The following ST18 variants were observed in gnomAD, a reference collection of about 807,000 sequenced individuals.
The protein encoded by ST18 is suppression of tumorigenicity 18 protein.
Under a neutral mutation model 110.0 loss-of-function variants are expected in ST18, and 50 were observed. The ratio of observed to expected loss-of-function variants is 0.45; its 90% confidence interval spans 0.36 to 0.58. The LOEUF is 0.58. Among genes scored for constraint, ST18 ranks in the 20% least tolerant of loss-of-function variants. ST18 has a pLI of 0.00. For missense variants in ST18, 1,306 were observed against 1,280.1 expected (o/e 1.02, Z -0.31); for synonymous variants, 461 against 452.4 (o/e 1.02, Z -0.24).
At chr8:52,357,471 G>C (rs765688582) in intron 2 of ST18, among the ~76,000 whole-genome samples, 2 of 151,186 alleles carry the variant, frequency 1.3e-5, no homozygotes, top group Non-Finnish European at 3.0e-5. Context: ...CAGATTGAAA[G>C]TGAAAGAATG....
rs75905270 is a variant in ST18 at position 52,303,935 on chromosome 8, A to G, written c.-464-73858T>C. Reference sequence around the variant, plus strand: ...GGAAATCCAAGGAGTTAATTTCCTGATTTTCATGGTAATTTACTATATTGT... The same window carrying G: ...GGAAATCCAAGGAGTTAATTTCCTGGTTTTCATGGTAATTTACTATATTGT... On this transcript the variant is annotated intron_variant, in intron 2 of 25. Transcript: ENST00000689386. Among the ~76,000 whole-genome samples, 16 of 152,222 alleles carry G rather than the reference A, an allele frequency of 1.1e-4. No individual in the cohort carries two copies. The East Asian group carries it at 2.1e-3, about 20-fold the overall frequency.
At chr8:52,219,984 T>C (rs1466380351) in intron 5 of ST18, among the ~76,000 whole-genome samples, 1 of 152,236 alleles carries the variant, frequency 6.6e-6, no homozygotes, top group East Asian at 1.9e-4. Context: ...AGTCCTATTA[T>C]TCCCTTAGGT....
chr8:52,250,193 A>G (rs1316465019), intron 2 of ST18, among the ~76,000 whole-genome samples: 1 of 152,042 alleles, frequency 6.6e-6, no homozygotes, highest in Non-Finnish European at 1.5e-5. Flanking sequence ...CAGCTTGGCT[A>G]AAGAGTGTGG....
intron 2 of ST18, among the ~76,000 whole-genome samples, chr8:52,303,548 C>T (rs2095763673): frequency 6.6e-6 from 1 of 152,202 alleles, no homozygotes; most frequent in African/African-American, 2.4e-5. Context: ...CGGCAACACA[C>T]CTTAATCAAG....
intron 2 of ST18, among the ~76,000 whole-genome samples, chr8:52,291,089 G>T (rs1056928459): frequency 6.6e-6 from 1 of 152,172 alleles, no homozygotes; most frequent in Non-Finnish European, 1.5e-5. Flanking sequence ...ATCCATCACT[G>T]CCTGATACTT....
At chr8:52,275,610 C>T (rs1335619397) in intron 2 of ST18, among the ~76,000 whole-genome samples, 2 of 152,058 alleles carry the variant, frequency 1.3e-5, no homozygotes, top group Admixed American at 6.6e-5. Context: ...AGAAAATAAG[C>T]TATGGTTTTT....
Position 52,118,444 on chromosome 8 carries a change from G to T in ST18, c.2756-3C>A. On this transcript the variant is annotated splice_polypyrimidine_tract_variant and splice_region_variant and intron_variant, in intron 23 of 25. Transcript: ENST00000689386. ...AATTTCTTCATCACTCTCTATTCCT[G>T]TAAAGAGTAAGACTACCTTAGTTCA... 6.4e-7 allele frequency: 1 copy of T among 1,561,844 alleles called. No homozygotes were observed.
chr8:52,330,868 A>T (rs1301500352), intron 2 of ST18, among the ~76,000 whole-genome samples: 7 of 152,332 alleles, frequency 4.6e-5, no homozygotes, highest in African/African-American at 9.6e-5. Context: ...CAGACAAAAA[A>T]GGCAAAGAAG....
rs201421386 is a variant in ST18, at chr8:52,159,152, T to C, written c.1595-43A>G. On this transcript the variant is annotated intron_variant, in intron 14 of 25. Transcript: ENST00000689386. ...GATTAGCAATTGCATGTACATGGTT[T>C]TAGTCATTAAACAGATTTGTTTTTT... 9.6e-5 allele frequency: 150 copies of C among 1,570,440 alleles called. No individual in the cohort carries two copies. In the African/African-American group the frequency reaches 1.7e-3, roughly 18 times the overall value.
intron 16 of ST18, among the ~76,000 whole-genome samples, chr8:52,147,548 G>C (rs1303385172): frequency 2.0e-5 from 3 of 152,046 alleles, no homozygotes; most frequent in African/African-American, 7.2e-5. Context: ...GCTTATGCCT[G>C]ACAATTTCTG....
In ST18 at chr8:52,116,474, G is replaced by T. The variant is rs536467531; in HGVS notation, c.2860-56C>A. The T allele has an allele frequency of 5.2e-6, 8 of 1,550,008 alleles. No homozygotes were observed. In the South Asian group the frequency reaches 6.1e-5, roughly 12 times the overall value. On this transcript the variant is annotated intron_variant, in intron 24 of 25. Transcript: ENST00000689386. Reference sequence around the variant, plus strand: ...AGTGGAGTTTGGAAGGAGTGTAAAAGGTTTCTCCCTGAAGGAAAATGCACC... The same window carrying T: ...AGTGGAGTTTGGAAGGAGTGTAAAATGTTTCTCCCTGAAGGAAAATGCACC...
chr8:52,160,988 T>C (rs1000109306), intron 14 of ST18, among the ~76,000 whole-genome samples: 4 of 152,220 alleles, frequency 2.6e-5, no homozygotes, highest in African/African-American at 9.6e-5. Flanking sequence ...ATTTTACCTA[T>C]TAGATTTCCA....
chr8:52,282,528 G>T (rs10958312), intron 2 of ST18, among the ~76,000 whole-genome samples: 70,472 of 151,920 alleles, frequency 0.46, 19,899 homozygotes, highest in South Asian at 0.67. Context: ...CCCCACCAGG[G>T]GTGAGGAAGC....
intron 8 of ST18, among the ~76,000 whole-genome samples, chr8:52,190,978 T>A (rs1204033078): frequency 6.6e-6 from 1 of 152,174 alleles, no homozygotes; most frequent in Non-Finnish European, 1.5e-5. Context: ...CATCTCACAC[T>A]TCCCACCACT....
chr8:52,270,007 TC>T (rs958675327), intron 2 of ST18, among the ~76,000 whole-genome samples: 5 of 150,046 alleles, frequency 3.3e-5, no homozygotes, highest in African/African-American at 1.3e-4. Context: ...CCACATTTTT[TC>T]CCCCGTAACT....
At position 52,207,747 on chromosome 8, in the gene ST18, G is replaced by A. The variant is rs117458044; in HGVS notation, c.86+4332C>T. 3.4e-3 allele frequency among the ~76,000 whole-genome samples: 514 copies of A among 152,022 alleles called. 5 individuals are homozygous for A. The highest frequency in any genetic ancestry group is 0.011 in the Admixed American group (169 of 15,292). On this transcript the variant is annotated intron_variant, in intron 8 of 25. Coordinates refer to ENST00000689386, the MANE Select transcript of ST18 (RefSeq NM_001352837.2). The stretch of plus-strand genomic sequence containing the variant: ...TGACTCTAATATACTTAAGAGGCCT[G>A]AATTCATTTGTCTCTCTAAGTAGTC...
chr8:52,304,969 G>A (rs1471046900), intron 2 of ST18, among the ~76,000 whole-genome samples: 4 of 152,128 alleles, frequency 2.6e-5, no homozygotes, highest in Non-Finnish European at 5.9e-5. Flanking sequence ...TCTATAGCAT[G>A]CTTTAATTCT....
chr8:52,301,698 T>C (rs2095724691), intron 2 of ST18, among the ~76,000 whole-genome samples: 1 of 152,222 alleles, frequency 6.6e-6, no homozygotes, highest in Non-Finnish European at 1.5e-5. Context: ...TGTAATTCTA[T>C]GAAATACTAG....
chr8:52,161,586 G>A lies in ST18; in HGVS notation c.1401-18C>T. On this transcript the variant is annotated intron_variant, in intron 13 of 25. Transcript: ENST00000689386. Reference sequence around the variant, plus strand: ...AACTTGTCCTGGAGAGGGGGGTGAAGCAGTTCAAAAGAAATACAATGAAAC... The same window carrying A: ...AACTTGTCCTGGAGAGGGGGGTGAAACAGTTCAAAAGAAATACAATGAAAC... 3 of 1,612,764 alleles carry A rather than the reference G, an allele frequency of 1.9e-6. No individual in the cohort carries two copies. The highest frequency in any genetic ancestry group is 2.5e-6 in the Non-Finnish European group (3 of 1,179,294).
Sources: gnomAD v4.1 joint callset for allele counts (sites outside exome capture counted in the v4.1 genomes callset) on GRCh38, gnomAD v4.1.1 for gene constraint, MANE v1.5 for transcripts, NCBI Gene and HGNC (gene_info 2026-07-23, HGNC 2026-07-21) for gene names.